ANK3: variants seen among roughly 807,000 people sequenced by gnomAD.
ANK3 encodes the protein ankyrin 3, also known as ankyrin-3.
Under a neutral mutation model 370.9 loss-of-function variants are expected in ANK3, and 57 were observed. The ratio of observed to expected loss-of-function variants is 0.15; its 90% CI spans 0.12 to 0.19. The LOEUF (loss-of-function observed/expected upper bound fraction) is 0.19. Ranked by LOEUF, ANK3 falls within the 10% of genes least tolerant of loss-of-function variation. The pLI, the probability that ANK3 is intolerant of heterozygous loss-of-function variation, is 1.00. For missense variants in ANK3, 4,439 were observed against 5,302.1 expected, an observed-to-expected ratio of 0.84 and a Z score of 5.06; for synonymous variants, 1,929 against 1,946.3, an observed-to-expected ratio of 0.99 and a Z score of 0.23.
chr10:60,723,688 G>A (rs1197574787), intron 1 of ANK3, among the ~76,000 whole-genome samples: 3 of 152,018 alleles, frequency 2.0e-5, no homozygotes, highest in African/African-American at 4.8e-5. Flanking sequence ...TAACCATTAG[G>A]GCCCCTTTTT....
At chr10:60,675,409 C>A (rs1167160364) in intron 1 of ANK3, among the ~76,000 whole-genome samples, 1 of 152,206 alleles carries the variant, frequency 6.6e-6, no homozygotes, top group East Asian at 1.9e-4. Flanking sequence ...AAGCCTAATT[C>A]AACCCAATAT....
In ANK3 at chr10:60,477,213, A is replaced by T. The variant is rs114376314; in HGVS notation, c.96+137973T>A. Among the ~76,000 whole-genome samples, 554 of 152,196 alleles carry T rather than the reference A, an allele frequency of 3.6e-3. 2 individuals carry two copies. The highest frequency in any genetic ancestry group is 0.012 in the African/African-American group (516 of 41,542). ...ACATCTTTCTGGAGACTTGATAATT[A>T]TGGGATTTAATTTGTGGGAAATAAA... On this transcript the variant is annotated intron_variant, in intron 2 of 43. Transcript: ENST00000373827.
chr10:60,085,610 C>CTTTTT lies in ANK3; in HGVS notation c.3749-362_3749-358dup, dbSNP rs10601268. Reference sequence around the variant, plus strand: ...CAGATGGATAATTAAGTCTCTTACTCTTTTTTTTTTTTTTTTTTTTTTGAG... The same window carrying CTTTTT: ...CAGATGGATAATTAAGTCTCTTACTCTTTTTTTTTTTTTTTTTTTTTTTTTTTGAG... On this transcript the variant is annotated intron_variant, in intron 30 of 43. Transcript: ENST00000280772. 1.0e-4 allele frequency among the ~76,000 whole-genome samples: 11 copies of CTTTTT among 109,936 alleles called. No individual in the cohort carries two copies. In the South Asian group the frequency reaches 1.3e-3, roughly 13 times the overall value. 72.1% of individuals were successfully genotyped at this position (109,936 alleles called of 152,430 possible).
At chr10:60,712,085 C>T (rs2079718050) in intron 1 of ANK3, among the ~76,000 whole-genome samples, 1 of 152,158 alleles carries the variant, frequency 6.6e-6, no homozygotes, top group East Asian at 1.9e-4. Context: ...GTGGCATATG[C>T]CTGTAGTTCC....
chr10:60,420,026 A>G (rs534936528), intron 2 of ANK3, among the ~76,000 whole-genome samples: 35 of 152,202 alleles, frequency 2.3e-4, no homozygotes, highest in Non-Finnish European at 4.4e-4. Context: ...GACACGGATG[A>G]TCTCCAAATA....
chr10:60,356,762 G>A (rs530282399), intron 1 of ANK3, among the ~76,000 whole-genome samples: 1 of 152,166 alleles, frequency 6.6e-6, no homozygotes, highest in South Asian at 2.1e-4. Context: ...AGGCTGGAGT[G>A]CAGTGGTGCA....
intron 23 of ANK3, among the ~76,000 whole-genome samples, chr10:60,154,815 C>T (rs185414647): frequency 6.6e-6 from 1 of 152,072 alleles, no homozygotes; most frequent in African/African-American, 2.4e-5. Flanking sequence ...AATGAAACAA[C>T]CAAAATCTGT....
chr10:60,536,581 C>T (rs2076729878), intron 2 of ANK3, among the ~76,000 whole-genome samples: 8 of 151,906 alleles, frequency 5.3e-5, no homozygotes, highest in Admixed American at 5.3e-4. Context: ...CTGAAATATA[C>T]CCAACACAAG....
chr10:60,539,097 T>A (rs181081029), intron 2 of ANK3, among the ~76,000 whole-genome samples: 17 of 151,880 alleles, frequency 1.1e-4, no homozygotes, highest in South Asian at 4.1e-4. Context: ...TTTTCAGAGA[T>A]CTGTTACCAA....
chr10:60,655,289 C>T (rs567786784), intron 1 of ANK3, among the ~76,000 whole-genome samples: 1 of 151,734 alleles, frequency 6.6e-6, no homozygotes, highest in Non-Finnish European at 1.5e-5. Flanking sequence ...ACTGTTATCA[C>T]TGGAGATAGC....
intron 1 of ANK3, among the ~76,000 whole-genome samples, chr10:60,317,448 C>A (rs958123550): frequency 1.3e-5 from 2 of 152,118 alleles, no homozygotes; most frequent in Non-Finnish European, 2.9e-5. Context: ...TTTTTAAACT[C>A]CCTTGTGTCC....
intron 1 of ANK3, among the ~76,000 whole-genome samples, chr10:60,633,273 T>C (rs1376795437): frequency 6.6e-6 from 1 of 152,150 alleles, no homozygotes; most frequent in African/African-American, 2.4e-5. Context: ...TTGCATGCAA[T>C]AATTGCACAT....
chr10:60,483,653 A>G (rs1010506739), intron 2 of ANK3, among the ~76,000 whole-genome samples: 1 of 152,034 alleles, frequency 6.6e-6, no homozygotes, highest in African/African-American at 2.4e-5. Flanking sequence ...CACAGAGCAT[A>G]TTTTGTTAGG....
At chr10:60,436,533 T>G (rs775681294) in intron 2 of ANK3, among the ~76,000 whole-genome samples, 12 of 152,222 alleles carry the variant, frequency 7.9e-5, no homozygotes, top group Non-Finnish European at 1.8e-4. Flanking sequence ...ATTGTAGTTT[T>G]GTTTAGATTT....
intron 23 of ANK3, among the ~76,000 whole-genome samples, chr10:60,144,541 AT>A: frequency 6.6e-6 from 1 of 152,300 alleles, no homozygotes; most frequent in African/African-American, 2.4e-5. Context: ...CCACTAACCA[AT>A]TAATAAAAGC....
chr10:60,401,959 A>G (rs904107596), intron 2 of ANK3, among the ~76,000 whole-genome samples: 1 of 152,240 alleles, frequency 6.6e-6, no homozygotes, highest in Admixed American at 6.5e-5. Context: ...CTGTATTTCT[A>G]TCATCCCATT....
At chr10:60,598,671 G>C (rs16915182) in intron 2 of ANK3, among the ~76,000 whole-genome samples, 2 of 152,012 alleles carry the variant, frequency 1.3e-5, no homozygotes, top group African/African-American at 4.8e-5. Flanking sequence ...TGAAAGTAAC[G>C]GTACAAAATT....
At chr10:60,372,985 AG>A (rs1235044595) in intron 1 of ANK3, among the ~76,000 whole-genome samples, 1 of 152,244 alleles carries the variant, frequency 6.6e-6, no homozygotes, top group East Asian at 1.9e-4. Context: ...CATGATCAGT[AG>A]ATTTTTTTAA....
intron 1 of ANK3, among the ~76,000 whole-genome samples, chr10:60,317,844 G>T (rs2132876115): frequency 6.6e-6 from 1 of 151,804 alleles, no homozygotes; most frequent in South Asian, 2.1e-4. Context: ...CTCCCGAGTA[G>T]CTGGGAATAC....
Sources: allele counts gnomAD v4.1 joint callset (sites outside exome capture counted in the v4.1 genomes callset), GRCh38; gene constraint gnomAD v4.1.1; transcripts MANE v1.5; gene names NCBI Gene and HGNC (gene_info 2026-07-23, HGNC 2026-07-21).